CACNA1D: variants seen among roughly 807,000 people sequenced by gnomAD.
CACNA1D encodes voltage-dependent L-type calcium channel subunit alpha-1D.
CACNA1D carries 55 observed loss-of-function variants against 257.1 expected under a neutral mutation model. The ratio of observed to expected loss-of-function variants is 0.21; its 90% CI spans 0.17 to 0.27. The LOEUF is 0.27. CACNA1D is among the 10% of genes least tolerant of loss of function. The pLI is 1.00. For synonymous variants in CACNA1D, 980 were observed against 1,014.9 expected (o/e 0.97, Z 0.65); for missense variants, 1,876 against 2,784.0 (o/e 0.67, Z 7.34).
intron 43 of CACNA1D, 104 bp downstream of exon 43, chr3:53,802,277 A>G (rs2095540165): frequency 1.0e-6 from 1 of 960,946 alleles, no homozygotes; most frequent in Non-Finnish European, 1.7e-6. Context: ...GAGCCAGCCT[A>G]TTAAAGGTTA....
intron 8 of CACNA1D, among the ~76,000 whole-genome samples, chr3:53,693,273 T>C (rs1316164054): frequency 6.6e-6 from 1 of 152,156 alleles, no homozygotes; most frequent in Non-Finnish European, 1.5e-5. Context: ...TGGGGTGCTG[T>C]ATTCCTAATC....
chr3:53,767,664 AT>A (rs35538645), intron 30 of CACNA1D, among the ~76,000 whole-genome samples: 28,741 of 151,920 alleles, frequency 0.19, 3,175 homozygotes, highest in Middle Eastern at 0.28. Flanking sequence ...GGCTTCAGAG[AT>A]TTTGTTAAAG....
chr3:53,798,308 C>CGT (rs10581353), intron 40 of CACNA1D, among the ~76,000 whole-genome samples: 46,311 of 148,612 alleles, frequency 0.31, 7,835 homozygotes, highest in Non-Finnish European at 0.4. Flanking sequence ...TGTATGTGTG[C>CGT]GTGTGTGTGT....
At chr3:53,681,760 G>A (rs894762329) in intron 8 of CACNA1D, among the ~76,000 whole-genome samples, 1 of 152,244 alleles carries the variant, frequency 6.6e-6, no homozygotes, top group Non-Finnish European at 1.5e-5. Context: ...CATGTGCTGT[G>A]AGAGGGTTTA....
At chr3:53,629,610 G>A (rs2093800064) in intron 3 of CACNA1D, among the ~76,000 whole-genome samples, 1 of 152,156 alleles carries the variant, frequency 6.6e-6, no homozygotes, top group African/African-American at 2.4e-5. Flanking sequence ...ATACATTGCA[G>A]GTCTTCCTGG....
At chr3:53,665,940 C>T (rs918911298) in intron 6 of CACNA1D, 128 bp downstream of exon 6, 15 of 714,348 alleles carry the variant, frequency 2.1e-5, no homozygotes, top group Non-Finnish European at 3.6e-5. Flanking sequence ...AGCACATTTA[C>T]TGAGCCAGTT....
intron 3 of CACNA1D, among the ~76,000 whole-genome samples, chr3:53,616,844 A>G (rs972363180): frequency 1.3e-5 from 2 of 151,184 alleles, no homozygotes; most frequent in Non-Finnish European, 2.9e-5. Flanking sequence ...GAGGGTTGAG[A>G]TAGGAGGATA....
chr3:53,587,057 C>T (rs1250488577), intron 3 of CACNA1D, among the ~76,000 whole-genome samples: 1 of 152,090 alleles, frequency 6.6e-6, no homozygotes, highest in Non-Finnish European at 1.5e-5. Context: ...CTCAGTGGGC[C>T]TTGCAAGCCA....
chr3:53,534,980 C>A (rs2092071368), intron 3 of CACNA1D, among the ~76,000 whole-genome samples: 1 of 151,702 alleles, frequency 6.6e-6, no homozygotes, highest in Non-Finnish European at 1.5e-5. Context: ...TCTGTATGTC[C>A]CTGGCTTCCT....
chr3:53,627,100 C>T (rs772352066), intron 3 of CACNA1D, among the ~76,000 whole-genome samples: 5 of 152,240 alleles, frequency 3.3e-5, no homozygotes, highest in Non-Finnish European at 5.9e-5. Context: ...CAGGCAGCAG[C>T]ACCCTTGGTC....
At chr3:53,545,921 T>C (rs571285237) in intron 3 of CACNA1D, among the ~76,000 whole-genome samples, 13 of 152,312 alleles carry the variant, frequency 8.5e-5, no homozygotes, top group African/African-American at 3.1e-4. Context: ...CATGCACCCT[T>C]CTTATAAAGC....
intron 4 of CACNA1D, among the ~76,000 whole-genome samples, chr3:53,654,514 G>A (rs2094129852): frequency 6.6e-6 from 1 of 152,162 alleles, no homozygotes; most frequent in Non-Finnish European, 1.5e-5. Context: ...ATACCTTTAA[G>A]ATGTATATTG....
At chr3:53,796,840 C>T (rs1027355540) in intron 40 of CACNA1D, among the ~76,000 whole-genome samples, 1 of 152,274 alleles carries the variant, frequency 6.6e-6, no homozygotes, top group African/African-American at 2.4e-5. Flanking sequence ...TAAGATTGGA[C>T]ATCTTAAAAT....
At chr3:53,572,679 C>A (rs11719509) in intron 3 of CACNA1D, among the ~76,000 whole-genome samples, 1 of 152,120 alleles carries the variant, frequency 6.6e-6, no homozygotes, top group African/African-American at 2.4e-5. Context: ...GGATTACAGG[C>A]GTGAGCCACA....
chr3:53,786,635 C>G (rs920179611), intron 39 of CACNA1D, 187 bp from the exon 40 acceptor site: 2 of 606,900 alleles, frequency 3.3e-6, no homozygotes, highest in Non-Finnish European at 5.9e-6. Context: ...GCCTTAGTTG[C>G]TTTGCAAAAC....
At position 53,672,878 on chromosome 3, in the gene CACNA1D, T is replaced by G. The variant is rs1423025105; in HGVS notation, c.1117-145T>G. ...GATTAATGTGTGTTGGCTGCTGTTG[T>G]CTCTGATTTGGCTACTGTTGTTTCT... On this transcript the variant is annotated intron_variant, in intron 7 of 47. Transcript: ENST00000350061. 6.5e-6 allele frequency: 4 copies of G among 611,362 alleles called. No individual in the cohort carries two copies. The African/African-American group carries it at 7.5e-5, about 12-fold the overall frequency. 37.9% of individuals were successfully genotyped at this position (611,362 alleles called of 1,614,324 possible). A position where few individuals can be genotyped will look rare whatever the true frequency, so the allele number is the denominator to read the frequency against.
At chr3:53,665,878 A>T in intron 6 of CACNA1D, 66 bp downstream of exon 6, 1 of 1,295,764 alleles carries the variant, frequency 7.7e-7, no homozygotes, top group South Asian at 1.2e-5. Flanking sequence ...AGCAACTTTC[A>T]TGGTTTGGGG....
chr3:53,564,009 A>G (rs961969540), intron 3 of CACNA1D, among the ~76,000 whole-genome samples: 8 of 152,220 alleles, frequency 5.3e-5, no homozygotes, highest in Admixed American at 2.0e-4. Flanking sequence ...ATAGATGCTA[A>G]AATTTTTCCA....
intron 8 of CACNA1D, among the ~76,000 whole-genome samples, chr3:53,695,015 G>A (rs1001833089): frequency 3.3e-5 from 5 of 152,168 alleles, no homozygotes; most frequent in South Asian, 2.1e-4. Flanking sequence ...TCGTCAGAGC[G>A]CCCTGCAGCC....
Sources: allele counts gnomAD v4.1 joint callset (sites outside exome capture counted in the v4.1 genomes callset), GRCh38; gene constraint gnomAD v4.1.1; transcripts MANE v1.5; gene names NCBI Gene and HGNC (gene_info 2026-07-23, HGNC 2026-07-21).